ATRX: variants seen among roughly 807,000 people sequenced by gnomAD.
ATRX encodes the protein ATRX chromatin remodeler.
Under a neutral mutation model 172.6 loss-of-function variants are expected in ATRX, and 12 were observed. The observed-to-expected ratio is 0.07, with a 90% CI of 0.04 to 0.11. ATRX has a LOEUF of 0.11. Ranked by LOEUF, ATRX falls within the 10% of genes least tolerant of loss-of-function variation. The probability of loss-of-function intolerance (pLI) is 1.00; values close to 1 mark genes in which losing one functional copy is unlikely to be tolerated. For synonymous variants in ATRX, 674 were observed against 594.7 expected (o/e 1.13, Z -1.94); for missense variants, 1,368 against 1,767.4 (o/e 0.77, Z 4.05).
At chrX:77,667,821 A>G (rs367578684) in intron 10 of ATRX, among the ~76,000 whole-genome samples, 3 of 112,057 alleles carry the variant, frequency 2.7e-5, no homozygotes, top group African/African-American at 9.7e-5. Context: ...CAGTAAGATC[A>G]TAACATATAG....
intron 15 of ATRX, among the ~76,000 whole-genome samples, chrX:77,645,403 T>C (rs2068863926): frequency 8.9e-6 from 1 of 111,768 alleles, no homozygotes; most frequent in Non-Finnish European, 1.9e-5. Context: ...TCTCCCAAAG[T>C]GCTGGGATTA....
At chrX:77,696,553 T>A in intron 5 of ATRX, 24 bp downstream of exon 5, 1 of 1,197,773 alleles carries the variant, frequency 8.3e-7, no homozygotes. Flanking sequence ...AACTTTAACT[T>A]CATGAAAAAT....
intron 1 of ATRX, among the ~76,000 whole-genome samples, chrX:77,747,398 C>T (rs781991291): frequency 9.1e-6 from 1 of 110,108 alleles, no homozygotes; most frequent in Admixed American, 9.7e-5. Flanking sequence ...GTGGCACACA[C>T]CTGTAATCCC....
intron 30 of ATRX, among the ~76,000 whole-genome samples, chrX:77,542,207 C>T (rs781918990): frequency 3.6e-4 from 40 of 111,457 alleles, no homozygotes; most frequent in African/African-American, 1.3e-3. Flanking sequence ...GAGTGAAGTC[C>T]CATTCACAAT....
chrX:77,544,922 C>T (rs1670833411), intron 30 of ATRX, among the ~76,000 whole-genome samples: 1 of 110,533 alleles, frequency 9.0e-6, no homozygotes, highest in Non-Finnish European at 1.9e-5. Flanking sequence ...AACAAATTTA[C>T]AAGAAAAAAA....
intron 15 of ATRX, among the ~76,000 whole-genome samples, chrX:77,638,493 A>T (rs1399988983): frequency 1.8e-5 from 2 of 112,209 alleles, no homozygotes; most frequent in Non-Finnish European, 3.8e-5. Context: ...GAAAATTATC[A>T]ACTTAAGGCC....
chrX:77,563,459 C>T (rs1375997723), intron 28 of ATRX, among the ~76,000 whole-genome samples: 1 of 112,025 alleles, frequency 8.9e-6, no homozygotes, highest in Non-Finnish European at 1.9e-5. Context: ...ATTCAGATAT[C>T]GTCTTTTGTA....
intron 13 of ATRX, among the ~76,000 whole-genome samples, chrX:77,654,422 TAAG>T (rs1367242262): frequency 9.0e-6 from 1 of 111,189 alleles, no homozygotes; most frequent in African/African-American, 3.3e-5. Flanking sequence ...GTTATATGAG[TAAG>T]AAGATGCATA....
intron 17 of ATRX, 84 bp downstream of exon 17, chrX:77,634,510 C>T (rs782726025): frequency 2.1e-5 from 17 of 817,475 alleles, no homozygotes; most frequent in Admixed American, 4.5e-5. Flanking sequence ...TCAGCCCCTA[C>T]GACTGTGCCT....
At chrX:77,650,275 A>C (rs1297483554) in intron 15 of ATRX, among the ~76,000 whole-genome samples, 1 of 112,284 alleles carries the variant, frequency 8.9e-6, no homozygotes, top group Non-Finnish European at 1.9e-5. Context: ...AAGGAAGTAC[A>C]TATTACTGCC....
chrX:77,691,074 A>T (rs2071857547), intron 6 of ATRX: 2 of 112,817 alleles, frequency 1.8e-5, no homozygotes, highest in Middle Eastern at 4.6e-3. Context: ...ATTCAAAAAC[A>T]ATGTTAAATG....
At chrX:77,746,673 A>C (rs1387455951) in intron 1 of ATRX, among the ~76,000 whole-genome samples, 1 of 112,507 alleles carries the variant, frequency 8.9e-6, no homozygotes, top group East Asian at 2.8e-4. Context: ...TAACATCAAC[A>C]AAAGTCCTAT....
chrX:77,772,563 GC>G (rs2076193552), intron 1 of ATRX, among the ~76,000 whole-genome samples: 2 of 106,245 alleles, frequency 1.9e-5, no homozygotes, highest in African/African-American at 6.9e-5. Flanking sequence ...TGCAACCTCT[GC>G]CCCCTGGGTT....
At chrX:77,649,486 G>GT (rs2080438895) in intron 15 of ATRX, among the ~76,000 whole-genome samples, 1 of 112,187 alleles carries the variant, frequency 8.9e-6, no homozygotes, top group Non-Finnish European at 1.9e-5. Context: ...TAACGAGTAA[G>GT]TAAATTTAGA....
At chrX:77,588,368 G>A (rs782676158) in intron 27 of ATRX, among the ~76,000 whole-genome samples, 49 of 111,681 alleles carry the variant, frequency 4.4e-4, no homozygotes, top group Non-Finnish European at 6.0e-4. Flanking sequence ...TTTTTATTTC[G>A]AAATGGTTTC....
In ATRX at chrX:77,681,770, A is replaced by C. The variant is rs2148572077; in HGVS notation, c.3486T>G (p.Ser1162=). The change falls in exon 9 of 35, where the codon TCT becomes TCG. Residue 1162 remains serine (S), a synonymous_variant. Coordinates refer to ENST00000373344, the MANE Select transcript of ATRX (RefSeq NM_000489.6). The part of the protein sequence containing the change: ...GSSSSDAEES[S]EDNKKKKQRT... ...TTTGCTTCTTCTTTTTATTATCTTC[A>C]GAACTTTCCTCAGCATCAGATGATG... is the stretch of plus-strand genomic sequence containing the variant. The C allele has an allele frequency of 8.3e-7, 1 of 1,199,509 alleles. No individual in the cohort carries two copies. The highest frequency in any genetic ancestry group is 1.1e-6 in the Non-Finnish European group (1 of 892,237).
chrX:77,746,031 G>C (rs1478364532), intron 1 of ATRX, among the ~76,000 whole-genome samples: 1 of 111,433 alleles, frequency 9.0e-6, no homozygotes, highest in Non-Finnish European at 1.9e-5. Flanking sequence ...CAGAGAAAAG[G>C]GAACACTCAT....
chrX:77,688,701 A>G, intron 7 of ATRX, 117 bp downstream of exon 7: 3 of 580,194 alleles, frequency 5.2e-6, no homozygotes, highest in Non-Finnish European at 8.8e-6. Context: ...CTATAGTAGA[A>G]GTCTTCCAAG....
chrX:77,559,258 C>T (rs959145811), intron 28 of ATRX, among the ~76,000 whole-genome samples: 28 of 107,726 alleles, frequency 2.6e-4, no homozygotes, highest in Non-Finnish European at 5.2e-4. Flanking sequence ...GGTGACTCAA[C>T]ATTTATAATA....
Sources: gnomAD v4.1 joint callset for allele counts (sites outside exome capture counted in the v4.1 genomes callset) on GRCh38, gnomAD v4.1.1 for gene constraint, MANE v1.5 for transcripts, NCBI Gene and HGNC (gene_info 2026-07-23, HGNC 2026-07-21) for gene names.